Variants in CTDSPL2 observed in about 807,000 individuals in gnomAD.
CTDSPL2 encodes CTD small phosphatase-like protein 2.
A neutral mutation model predicts 60.0 loss-of-function variants in CTDSPL2; 5 were observed. The observed-to-expected ratio is 0.08, with a 90% CI of 0.04 to 0.18. The LOEUF is 0.18. Among genes scored for constraint, CTDSPL2 ranks in the 10% least tolerant of loss-of-function variants. CTDSPL2 has a pLI of 1.00. For missense variants in CTDSPL2, 370 were observed against 548.8 expected (o/e 0.67, Z 3.26); for synonymous variants, 186 against 189.3 (o/e 0.98, Z 0.14).
At chr15:44,519,379 G>A (rs1284894664) in intron 11 of CTDSPL2, 84 bp downstream of exon 11, 11 of 1,134,084 alleles carry the variant, frequency 9.7e-6, no homozygotes, top group Non-Finnish European at 1.2e-5. Context: ...GATGGGAGAA[G>A]AAGAAGAGAA....
At chr15:44,499,157 C>T (rs1164620742) in intron 7 of CTDSPL2, among the ~76,000 whole-genome samples, 1 of 152,040 alleles carries the variant, frequency 6.6e-6, no homozygotes, top group Non-Finnish European at 1.5e-5. Flanking sequence ...CTTCTGTAAT[C>T]CCAGCACTTT....
chr15:44,516,837 TTTTGTTTG>T (rs370453103), intron 10 of CTDSPL2: 1 of 137,676 alleles, frequency 7.3e-6, no homozygotes, highest in African/African-American at 3.0e-5. Context: ...AAGCTTGTTT[TTTTGTTTG>T]TTTGTTTGTT....
At chr15:44,462,418 A>T (rs2080590221) in intron 2 of CTDSPL2, among the ~76,000 whole-genome samples, 2 of 152,128 alleles carry the variant, frequency 1.3e-5, no homozygotes, top group South Asian at 4.1e-4. Flanking sequence ...GGTGGGGTTT[A>T]GTTAATGGTT....
intron 1 of CTDSPL2, among the ~76,000 whole-genome samples, chr15:44,439,415 C>T (rs2080039559): frequency 6.6e-6 from 1 of 152,034 alleles, no homozygotes; most frequent in South Asian, 2.1e-4. Context: ...CCCAGCCGGC[C>T]TCCCAAGTGC....
intron 2 of CTDSPL2, among the ~76,000 whole-genome samples, chr15:44,476,268 C>G (rs573738072): frequency 9.2e-5 from 14 of 151,990 alleles, no homozygotes; most frequent in Non-Finnish European, 1.9e-4. Flanking sequence ...TGGGGTTTCA[C>G]TGTTAGCCAG....
At chr15:44,433,628 G>A (rs772710746) in intron 1 of CTDSPL2, among the ~76,000 whole-genome samples, 7 of 151,850 alleles carry the variant, frequency 4.6e-5, no homozygotes, top group Non-Finnish European at 7.4e-5. Flanking sequence ...GACTACAGGT[G>A]TTTGCCACCA....
chr15:44,507,658 A>G (rs1050862160), intron 8 of CTDSPL2, among the ~76,000 whole-genome samples: 1 of 152,226 alleles, frequency 6.6e-6, no homozygotes, highest in Non-Finnish European at 1.5e-5. Context: ...TGCTAAGAAC[A>G]TGTGAACTAA....
chr15:44,460,744 G>A (rs1420122780), intron 2 of CTDSPL2, among the ~76,000 whole-genome samples: 1 of 151,904 alleles, frequency 6.6e-6, no homozygotes, highest in Non-Finnish European at 1.5e-5. Flanking sequence ...TAATTTCTTT[G>A]TTAATTTTCA....
rs1357490548 is a variant in CTDSPL2 at position 44,525,134 on chromosome 15, G to A, written c.*960G>A. The A allele has an allele frequency of 6.2e-6, 2 of 321,496 alleles. No homozygotes were observed. The highest frequency in any genetic ancestry group is 4.3e-5 in the African/African-American group (2 of 47,020). 19.9% of individuals were successfully genotyped at this position (321,496 alleles called of 1,614,324 possible). On this transcript the variant is annotated 3_prime_UTR_variant, in exon 13 of 13. Coordinates refer to ENST00000260327, the MANE Select transcript of CTDSPL2 (RefSeq NM_016396.3). ...TTACTGCTGCCTTTGGTTTTCTCCA[G>A]GAATGAAGTATTCAGCACAGTGACT... is the stretch of plus-strand genomic sequence containing the variant.
At chr15:44,476,722 C>A (rs1292139188) in intron 2 of CTDSPL2, among the ~76,000 whole-genome samples, 1 of 152,142 alleles carries the variant, frequency 6.6e-6, no homozygotes, top group Non-Finnish European at 1.5e-5. Flanking sequence ...TAGATAATAT[C>A]ATCTTGGTTT....
At chr15:44,436,008 C>G (rs1289233590) in intron 1 of CTDSPL2, among the ~76,000 whole-genome samples, 1 of 151,900 alleles carries the variant, frequency 6.6e-6, no homozygotes, top group East Asian at 1.9e-4. Context: ...TCCCCAAGTC[C>G]TCCTCCTCCT....
intron 1 of CTDSPL2, among the ~76,000 whole-genome samples, chr15:44,439,451 G>A (rs558209983): frequency 2.0e-4 from 31 of 151,820 alleles, no homozygotes; most frequent in Non-Finnish European, 3.4e-4. Flanking sequence ...GAGCCACCGC[G>A]CCTTATTTGT....
intron 1 of CTDSPL2, among the ~76,000 whole-genome samples, chr15:44,439,892 G>A (rs116133587): frequency 0.03 from 4,585 of 152,206 alleles, 245 homozygotes; most frequent in African/African-American, 0.1. Flanking sequence ...TGTTATCAAG[G>A]TAATGTTGGT....
chr15:44,435,929 T>C (rs2079972520), intron 1 of CTDSPL2, among the ~76,000 whole-genome samples: 1 of 152,166 alleles, frequency 6.6e-6, no homozygotes, highest in South Asian at 2.1e-4. Context: ...TATATAATGC[T>C]CCTATACTTA....
At chr15:44,504,638 G>T (rs570323521) in intron 8 of CTDSPL2, among the ~76,000 whole-genome samples, 36 of 152,036 alleles carry the variant, frequency 2.4e-4, no homozygotes, top group Admixed American at 1.2e-3. Context: ...GGAGGCTGAG[G>T]TGAGAGGAAT....
intron 2 of CTDSPL2, among the ~76,000 whole-genome samples, chr15:44,474,222 G>A (rs1408151302): frequency 6.6e-6 from 1 of 151,986 alleles, no homozygotes; most frequent in Non-Finnish European, 1.5e-5. Flanking sequence ...CGCCTGTAAC[G>A]CCTGTAATCC....
intron 2 of CTDSPL2, among the ~76,000 whole-genome samples, chr15:44,465,069 A>G (rs1595724673): frequency 6.6e-6 from 1 of 152,282 alleles, no homozygotes; most frequent in East Asian, 1.9e-4. Flanking sequence ...GTTCTGAAGT[A>G]TTCAGGTTAG....
intron 2 of CTDSPL2, among the ~76,000 whole-genome samples, chr15:44,471,897 G>A (rs2080818483): frequency 6.6e-6 from 1 of 150,878 alleles, no homozygotes; most frequent in African/African-American, 2.4e-5. Context: ...CACTTAGCAT[G>A]TTTTCAAAGT....
chr15:44,460,315 G>A (rs982109952), intron 2 of CTDSPL2, among the ~76,000 whole-genome samples: 41 of 151,978 alleles, frequency 2.7e-4, no homozygotes, highest in Non-Finnish European at 1.6e-4. Context: ...TCACTATGTT[G>A]GCCTGGATGG....
Sources: allele counts gnomAD v4.1 joint callset (sites outside exome capture counted in the v4.1 genomes callset), GRCh38; gene constraint gnomAD v4.1.1; transcripts MANE v1.5; gene names NCBI Gene and HGNC (gene_info 2026-07-23, HGNC 2026-07-21).